The following CEP43 variants were observed in gnomAD, a reference collection of about 807,000 sequenced individuals.
CEP43 encodes FGFR1 oncogene partner.
A neutral mutation model predicts 52.6 loss-of-function variants in CEP43; 36 were observed. That is an observed-to-expected ratio of 0.68 (90% CI 0.52 to 0.90). The LOEUF (loss-of-function observed/expected upper bound fraction) is 0.90, where lower values mean the gene tolerates loss of function less well. CEP43 is among the 40% of genes least tolerant of loss of function. The pLI is 0.00. For missense variants in CEP43, 506 were observed against 472.8 expected (o/e 1.07, Z -0.65); for synonymous variants, 192 against 172.4 (o/e 1.11, Z -0.89).
At chr6:167,035,305 T>C (rs544157764) in intron 12 of CEP43, among the ~76,000 whole-genome samples, 2 of 152,216 alleles carry the variant, frequency 1.3e-5, no homozygotes, top group Non-Finnish European at 2.9e-5. Context: ...GAATTGCTAC[T>C]GGGCACCTGG....
intron 12 of CEP43, among the ~76,000 whole-genome samples, chr6:167,037,306 A>AT (rs1202042032): frequency 1.3e-5 from 2 of 152,106 alleles, no homozygotes; most frequent in African/African-American, 2.4e-5. Context: ...TCAGTCCACG[A>AT]TTTTTCCTGT....
intron 7 of CEP43, among the ~76,000 whole-genome samples, chr6:167,016,661 A>G (rs1562527128): frequency 6.6e-6 from 1 of 152,212 alleles, no homozygotes; most frequent in Non-Finnish European, 1.5e-5. Flanking sequence ...CAGTCACCTG[A>G]GGATTTTCCA....
chr6:167,048,878 A>T lies in CEP43; in HGVS notation c.*8900A>T, dbSNP rs1321858518. ...CCTCTAAACTCATATGTGGAAAAAG[A>T]ACTTGAAAAAGGTTTCCAGAAATGT... On this transcript the variant is annotated 3_prime_UTR_variant, in exon 13 of 13. Coordinates refer to ENST00000366847, the MANE Select transcript of CEP43 (RefSeq NM_007045.4). 1.3e-5 allele frequency: 2 copies of T among 152,246 alleles called. No individual in the cohort carries two copies. 9.4% of individuals were successfully genotyped at this position (152,246 alleles called of 1,614,324 possible).
intron 7 of CEP43, among the ~76,000 whole-genome samples, chr6:167,015,628 G>A (rs912449563): frequency 3.9e-5 from 6 of 152,150 alleles, no homozygotes; most frequent in Admixed American, 1.3e-4. Flanking sequence ...CGCTGCTCCC[G>A]GAGCTCTGGA....
At chr6:167,035,931 A>T (rs1780576625) in intron 12 of CEP43, 1 of 469,896 alleles carries the variant, frequency 2.1e-6, no homozygotes, top group South Asian at 9.1e-5. Flanking sequence ...TGGTAGTGAA[A>T]ATTAGAGATA....
In CEP43 at chr6:167,050,961, T is replaced by C. The variant is rs2114865121; in HGVS notation, c.*10983T>C. 1 of 152,148 alleles carries C rather than the reference T, an allele frequency of 6.6e-6. No individual in the cohort carries two copies. Among genetic ancestry groups the C allele is most frequent in the South Asian group, 2.1e-4 (1 of 4,810 alleles). The allele number at this position is 152,148 out of a possible 1,614,324, so 9.4% of individuals were successfully genotyped here. A position where few individuals can be genotyped will look rare whatever the true frequency, so the allele number is the denominator to read the frequency against. On this transcript the variant is annotated 3_prime_UTR_variant, in exon 13 of 13. Coordinates refer to ENST00000366847, the MANE Select transcript of CEP43 (RefSeq NM_007045.4). ...CAAGAGACTGGAGTTTTATTATTAC[T>C]CAAATCAGCCTCCACAAAAATTTGG... is the stretch of plus-strand genomic sequence containing the variant.
At chr6:167,006,178 G>A (rs1779847576) in intron 5 of CEP43, among the ~76,000 whole-genome samples, 1 of 152,226 alleles carries the variant, frequency 6.6e-6, no homozygotes, top group Non-Finnish European at 1.5e-5. Context: ...GACTCTGTGT[G>A]TTACTGTAGT....
At position 167,044,316 on chromosome 6, in the gene CEP43, C is replaced by A; in HGVS notation, c.*4338C>A. 1 of 787,154 alleles carries A rather than the reference C, an allele frequency of 1.3e-6. No individual in the cohort carries two copies. The highest frequency in any genetic ancestry group is 1.5e-6 in the Non-Finnish European group (1 of 648,780). The allele number at this position is 787,154 out of a possible 1,614,324, so 48.8% of individuals were successfully genotyped here. On this transcript the variant is annotated 3_prime_UTR_variant, in exon 13 of 13. Transcript: ENST00000366847. ...TGATTTTTGACTAAAAAATTGTTGG[C>A]CTAAGATAATTCAGTAGCAGGGCTG... is the stretch of plus-strand genomic sequence containing the variant.
intron 12 of CEP43, among the ~76,000 whole-genome samples, chr6:167,039,430 A>G (rs534935199): frequency 6.6e-6 from 1 of 152,230 alleles, no homozygotes; most frequent in African/African-American, 2.4e-5. Flanking sequence ...CGCCTGGCCT[A>G]TTTGTTCCTT....
chr6:167,009,309 A>G (rs1779926138), intron 5 of CEP43, among the ~76,000 whole-genome samples: 1 of 151,896 alleles, frequency 6.6e-6, no homozygotes, highest in African/African-American at 2.4e-5. Context: ...GGATCATTTG[A>G]GACCAGCCTG....
chr6:167,003,270 G>C, intron 3 of CEP43, 23 bp downstream of exon 3: 1 of 1,363,594 alleles, frequency 7.3e-7, no homozygotes, highest in Non-Finnish European at 1.0e-6. Flanking sequence ...GTTTGTTCTT[G>C]TTTATCTATC....
chr6:167,047,851 A>T lies in CEP43; in HGVS notation c.*7873A>T, dbSNP rs1176481955. 6.6e-6 allele frequency: 1 copy of T among 151,550 alleles called. No homozygotes were observed. Among genetic ancestry groups the T allele is most frequent in the African/African-American group, 2.4e-5 (1 of 41,200 alleles). 9.4% of individuals were successfully genotyped at this position (151,550 alleles called of 1,614,324 possible). A position where few individuals can be genotyped will look rare whatever the true frequency, so the allele number is the denominator to read the frequency against. ...CTTGACTCCACTACCACTCAGAGGA[A>T]CCTCACGGTGGATGCCGTAAGTGTT... On this transcript the variant is annotated 3_prime_UTR_variant, in exon 13 of 13. Transcript: ENST00000366847.
chr6:167,037,121 A>G (rs16899815), intron 12 of CEP43, among the ~76,000 whole-genome samples: 7,450 of 152,268 alleles, frequency 0.049, 636 homozygotes, highest in African/African-American at 0.17. Context: ...GCTTTATTAA[A>G]TAGCCATTTA....
At position 167,051,357 on chromosome 6, in the gene CEP43, C is replaced by T. The variant is rs775851123; in HGVS notation, c.*11379C>T. The T allele has an allele frequency of 6.6e-6, 1 of 152,178 alleles. No individual in the cohort carries two copies. Among genetic ancestry groups the T allele is most frequent in the Admixed American group, 6.6e-5 (1 of 15,266 alleles). The allele number at this position is 152,178 out of a possible 1,614,324, so 9.4% of individuals were successfully genotyped here. Reference sequence around the variant, plus strand: ...ACAAAGGCAGTTTAATTTTGGGGGGCAGGGCTATTATCATCTAAACTATAA... The same window carrying T: ...ACAAAGGCAGTTTAATTTTGGGGGGTAGGGCTATTATCATCTAAACTATAA... On this transcript the variant is annotated 3_prime_UTR_variant, in exon 13 of 13. Transcript: ENST00000366847.
intron 10 of CEP43, among the ~76,000 whole-genome samples, chr6:167,029,331 A>G (rs1022850279): frequency 6.6e-6 from 1 of 152,266 alleles, no homozygotes; most frequent in Non-Finnish European, 1.5e-5. Flanking sequence ...CCTTAAAGTA[A>G]TGTAGTACAG....
At chr6:167,003,643 G>A (rs1395240800) in intron 3 of CEP43, 80 bp from the exon 4 acceptor site, 9 of 779,828 alleles carry the variant, frequency 1.2e-5, no homozygotes, top group Non-Finnish European at 1.9e-5. Context: ...CATTAATTTA[G>A]TGTATCTATT....
In CEP43 at chr6:167,022,536, A is replaced by G. The variant is rs753793302; in HGVS notation, c.707A>G (p.Asp236Gly). The G allele has an allele frequency of 1.2e-6, 2 of 1,614,108 alleles. No homozygotes were observed. The highest frequency in any genetic ancestry group is 1.7e-6 in the Non-Finnish European group (2 of 1,179,986). ...TCTTTTCTAAGCAACAGAACTTTAG[A>G]TGGCAAAGACAAAGCTGGCCTTTGT... ...IGSFLSNRTL[D>G]GKDKAGLCPD... Residue 236 changes from aspartate to glycine, a missense_variant, in exon 8 of 13, where the codon GAT becomes GGT. Physicochemically the swap from Asp to Gly is moderately conservative, Grantham distance 94 (BLOSUM62 -1). Transcript: ENST00000366847.
rs1018011215 is a variant in CEP43 at position 167,049,150 on chromosome 6, T to C, written c.*9172T>C. The C allele has an allele frequency of 3.3e-5, 5 of 152,228 alleles. No individual in the cohort carries two copies. The highest frequency in any genetic ancestry group is 4.8e-5 in the African/African-American group (2 of 41,470). 9.4% of individuals were successfully genotyped at this position (152,228 alleles called of 1,614,324 possible). On this transcript the variant is annotated 3_prime_UTR_variant, in exon 13 of 13. Coordinates refer to ENST00000366847, the MANE Select transcript of CEP43 (RefSeq NM_007045.4). ...TTATAGATATCTTAGTTTTCTGGAT[T>C]TTGTGACGTTTGTGGTATTTGTCAG...
intron 12 of CEP43, among the ~76,000 whole-genome samples, chr6:167,039,510 C>T (rs1244956341): frequency 1.3e-5 from 2 of 152,180 alleles, no homozygotes; most frequent in African/African-American, 4.8e-5. Context: ...GATTGATGGG[C>T]ATTTGGGCTG....
Sources: gnomAD v4.1 joint callset for allele counts (sites outside exome capture counted in the v4.1 genomes callset) on GRCh38, gnomAD v4.1.1 for gene constraint, MANE v1.5 for transcripts, NCBI Gene and HGNC (gene_info 2026-07-23, HGNC 2026-07-21) for gene names.